Variants in CHD6 observed in about 807,000 individuals in gnomAD.
The protein encoded by CHD6 is chromodomain helicase DNA binding protein 6, also known as ATP-dependent chromatin remodeler CHD6.
Under a neutral mutation model 276.9 loss-of-function variants are expected in CHD6, and 50 were observed. That is an observed-to-expected ratio of 0.18 (90% confidence interval 0.14 to 0.23). The LOEUF (loss-of-function observed/expected upper bound fraction) is 0.23. Among genes scored for constraint, CHD6 ranks in the 10% least tolerant of loss-of-function variants. The pLI is 1.00. For missense variants in CHD6, 2,564 were observed against 3,365.8 expected (o/e 0.76, Z 5.89); for synonymous variants, 1,173 against 1,229.3 (o/e 0.95, Z 0.96).
chr20:41,458,558 TTA>T (rs1569101471), intron 17 of CHD6, among the ~76,000 whole-genome samples: 1 of 152,162 alleles, frequency 6.6e-6, no homozygotes, highest in Non-Finnish European at 1.5e-5. Flanking sequence ...GAACTCATGG[TTA>T]GGTGTATATG....
intron 11 of CHD6, among the ~76,000 whole-genome samples, chr20:41,490,728 G>A (rs916636803): frequency 2.0e-5 from 3 of 152,020 alleles, no homozygotes; most frequent in Admixed American, 1.3e-4. Context: ...CAGAAGAATC[G>A]TTTGAACCCA....
chr20:41,475,174 C>T (rs2043142393), intron 16 of CHD6, among the ~76,000 whole-genome samples: 2 of 152,152 alleles, frequency 1.3e-5, no homozygotes, highest in Non-Finnish European at 1.5e-5. Context: ...CAGTTCTGTG[C>T]CAAACCCTGT....
intron 1 of CHD6, among the ~76,000 whole-genome samples, chr20:41,576,927 A>G (rs1365882891): frequency 6.6e-6 from 1 of 152,238 alleles, no homozygotes; most frequent in Non-Finnish European, 1.5e-5. Context: ...AAAAACAGAG[A>G]AAGAGAAAGG....
At chr20:41,594,998 T>C (rs1005205577) in intron 1 of CHD6, among the ~76,000 whole-genome samples, 2 of 152,230 alleles carry the variant, frequency 1.3e-5, no homozygotes, top group Non-Finnish European at 2.9e-5. Context: ...TTTGTGGCAC[T>C]GAGCACTTGT....
At chr20:41,555,464 A>C (rs1307154732) in intron 1 of CHD6, among the ~76,000 whole-genome samples, 1 of 147,782 alleles carries the variant, frequency 6.8e-6, no homozygotes, top group Non-Finnish European at 1.5e-5. Context: ...GACGCTCCTC[A>C]CTTCCCAGAC....
chr20:41,421,094 T>A lies in CHD6; in HGVS notation c.5541A>T (p.Leu1847Phe). The A allele has an allele frequency of 1.2e-6, 2 of 1,614,190 alleles. No individual in the cohort carries two copies. The highest frequency in any genetic ancestry group is 1.1e-5 in the South Asian group (1 of 91,070). ...TACTTTCTAAGCTTTTGTTTTCCAA[T>A]AAATCAATTAATTGCTGATCTGATG... Reference protein sequence around the residue: ...NLSSDQQLIDLLENKSLESKL... With the variant: ...NLSSDQQLIDFLENKSLESKL... The change falls in exon 31 of 37, where the codon TTA (leucine) becomes TTT (phenylalanine). Residue 1847 changes from leucine (L) to phenylalanine (F), a missense_variant. Leu to Phe is a conservative substitution (Grantham distance 22). Transcript: ENST00000373233.
chr20:41,414,980 G>A, intron 34 of CHD6: 1 of 1,407,184 alleles, frequency 7.1e-7, no homozygotes, highest in Non-Finnish European at 9.2e-7. Flanking sequence ...CATTTCTCCA[G>A]GCTGTAAGCA....
chr20:41,430,925 T>A (rs1485562512), intron 27 of CHD6, among the ~76,000 whole-genome samples: 4 of 149,698 alleles, frequency 2.7e-5, no homozygotes, highest in Non-Finnish European at 5.9e-5. Flanking sequence ...GGTGGCTCGA[T>A]CTTGGCTCAC....
chr20:41,452,925 G>A lies in CHD6; in HGVS notation c.3138C>T (p.Asp1046=), dbSNP rs765506163. The A allele has an allele frequency of 1.9e-6, 3 of 1,613,708 alleles. No individual in the cohort carries two copies. The highest frequency in any genetic ancestry group is 2.5e-6 in the Non-Finnish European group (3 of 1,179,890). ...AKNEKESLVI[D]RPRVRKQTKH... Reference sequence around the variant, plus strand: ...TGGTCTGCTTTCTCACGCGAGGTCGGTCGATCACTAAGCTTTCCTAGAAAT... The same window carrying A: ...TGGTCTGCTTTCTCACGCGAGGTCGATCGATCACTAAGCTTTCCTAGAAAT... Residue 1046 remains aspartate, a synonymous_variant, in exon 21 of 37, where the codon GAC becomes GAT. Transcript: ENST00000373233. This position sits in a 1 kb window ranked among gnomAD's most constrained non-coding sequence, Gnocchi z 4.2.
chr20:41,504,863 T>TA (rs1170592141), intron 5 of CHD6, among the ~76,000 whole-genome samples: 4 of 152,226 alleles, frequency 2.6e-5, no homozygotes, highest in Non-Finnish European at 4.4e-5. Context: ...TGTCTAATTT[T>TA]TTTTATTTTA....
chr20:41,483,027 T>C (rs1270993831), intron 16 of CHD6, among the ~76,000 whole-genome samples: 3 of 152,216 alleles, frequency 2.0e-5, no homozygotes, highest in East Asian at 3.8e-4. Flanking sequence ...ATTTGAATTA[T>C]TTCCTCCAAC....
chr20:41,428,603 C>G (rs1177141296), intron 27 of CHD6, among the ~76,000 whole-genome samples: 2 of 152,180 alleles, frequency 1.3e-5, no homozygotes, highest in African/African-American at 4.8e-5. Flanking sequence ...GCTCTCTGGT[C>G]TCGGGCAAGT....
rs760322306 is a variant in CHD6, at chr20:41,452,915, C to T, written c.3148G>A (p.Val1050Met). The T allele has an allele frequency of 3.8e-5, 62 of 1,613,620 alleles. No homozygotes were observed. Among genetic ancestry groups the T allele is most frequent in the South Asian group, 3.3e-5 (3 of 91,060 alleles). Residue 1050 changes from valine to methionine, a missense_variant, in exon 21 of 37, where the codon GTG becomes ATG. Coordinates refer to ENST00000373233, the MANE Select transcript of CHD6 (RefSeq NM_032221.5). This position sits in a 1 kb window ranked among gnomAD's most constrained non-coding sequence, Gnocchi z 4.2. ...KESLVIDRPR[V>M]RKQTKHYNSF... is the part of the protein sequence containing the mutation. ...TTGTAGTGTTTGGTCTGCTTTCTCA[C>T]GCGAGGTCGGTCGATCACTAAGCTT...
At chr20:41,589,361 T>C (rs1399371181) in intron 1 of CHD6, among the ~76,000 whole-genome samples, 2 of 152,304 alleles carry the variant, frequency 1.3e-5, no homozygotes, top group East Asian at 1.9e-4. Context: ...TTGGAAGTTC[T>C]GGCCAGGGCA....
chr20:41,600,113 G>C (rs1047763549), intron 1 of CHD6, among the ~76,000 whole-genome samples: 3 of 152,190 alleles, frequency 2.0e-5, no homozygotes, highest in Admixed American at 2.0e-4. Flanking sequence ...TAACATTTGT[G>C]TGTCTGTCTC....
At chr20:41,429,555 T>C (rs574879614) in intron 27 of CHD6, among the ~76,000 whole-genome samples, 42 of 152,290 alleles carry the variant, frequency 2.8e-4, no homozygotes, top group South Asian at 1.4e-3. Context: ...TGATATGATA[T>C]GGAAAAATAT....
chr20:41,406,489 C>T (rs1430917455), intron 36 of CHD6, among the ~76,000 whole-genome samples: 2 of 152,206 alleles, frequency 1.3e-5, no homozygotes, highest in East Asian at 3.9e-4. Context: ...GAGCGGAAGG[C>T]AGCACGTGGA....
intron 3 of CHD6, 36 bp downstream of exon 3, chr20:41,533,014 T>C (rs2044727110): frequency 6.5e-7 from 1 of 1,546,508 alleles, no homozygotes; most frequent in Non-Finnish European, 8.7e-7. Flanking sequence ...TGCACTGGCA[T>C]AGGCAAGTGC....
intron 8 of CHD6, among the ~76,000 whole-genome samples, chr20:41,496,310 A>G (rs1568644254): frequency 2.0e-5 from 3 of 152,196 alleles, no homozygotes; most frequent in African/African-American, 7.2e-5. Context: ...TTATTCCTAC[A>G]TTTATTCATC....
Sources: gnomAD v4.1 joint callset for allele counts (sites outside exome capture counted in the v4.1 genomes callset) on GRCh38, gnomAD v4.1.1 for gene constraint, Gnocchi (gnomAD v3.1) non-coding constraint, MANE v1.5 for transcripts, NCBI Gene and HGNC (gene_info 2026-07-23, HGNC 2026-07-21) for gene names.